The following CPNE4 variants were observed in gnomAD, a reference collection of about 807,000 sequenced individuals.
CPNE4 encodes the protein copine-4.
CPNE4 carries 25 observed loss-of-function variants against 67.9 expected under a neutral mutation model. That is an observed-to-expected ratio of 0.37 (90% CI 0.27 to 0.51). CPNE4 has a LOEUF of 0.51. CPNE4 is among the 20% of genes least tolerant of loss of function. The pLI is 0.93. For missense variants in CPNE4, 464 were observed against 690.8 expected (o/e 0.67, Z 3.68); for synonymous variants, 242 against 244.9 (o/e 0.99, Z 0.11).
At chr3:131,913,211 T>A (rs1236734941) in intron 1 of CPNE4, among the ~76,000 whole-genome samples, 1 of 152,022 alleles carries the variant, frequency 6.6e-6, no homozygotes, top group East Asian at 1.9e-4. Flanking sequence ...TAATAATTAG[T>A]CACAGCCAGT....
chr3:131,856,684 TC>T (rs748534973), intron 2 of CPNE4, among the ~76,000 whole-genome samples: 5 of 152,108 alleles, frequency 3.3e-5, no homozygotes. Context: ...AAAAGGACTT[TC>T]CAAGCATGAT....
chr3:131,764,283 A>T (rs1383752284), intron 2 of CPNE4, among the ~76,000 whole-genome samples: 2 of 151,942 alleles, frequency 1.3e-5, no homozygotes, highest in African/African-American at 4.8e-5. Flanking sequence ...ATAGGAAAAA[A>T]AAAAGAGAAT....
At chr3:131,858,263 C>G (rs1457130001) in intron 2 of CPNE4, among the ~76,000 whole-genome samples, 4 of 152,054 alleles carry the variant, frequency 2.6e-5, no homozygotes, top group Non-Finnish European at 4.4e-5. Context: ...ACTTTCCTGC[C>G]ATTCAACCCT....
rs189517132 is a variant in CPNE4 at position 131,927,946 on chromosome 3, G to A, written c.-1-22502C>T. Among the ~76,000 whole-genome samples the A allele has an allele frequency of 2.0e-3, 302 of 152,248 alleles. 2 individuals are homozygous for A. The highest frequency in any genetic ancestry group is 3.3e-3 in the Non-Finnish European group (223 of 68,010). On this transcript the variant is annotated intron_variant, in intron 1 of 15. Coordinates refer to ENST00000429747, the MANE Select transcript of CPNE4 (RefSeq NM_130808.3). ...GTCATTAACTGTATATATGAAAACC[G>A]CTAAAGAAAATTGGATGTATGCATG... is the stretch of plus-strand genomic sequence containing the variant.
chr3:131,905,377 G>C lies in CPNE4; in HGVS notation c.67C>G (p.Leu23Val). 1.9e-6 allele frequency: 3 copies of C among 1,613,524 alleles called. No homozygotes were observed. Among genetic ancestry groups the C allele is most frequent in the Non-Finnish European group, 2.5e-6 (3 of 1,179,686 alleles). The change falls in exon 2 of 16, where the codon CTG becomes GTG. Residue 23 changes from leucine to valine, a missense_variant. By Grantham distance (32) the Leu-to-Val change is conservative (BLOSUM62 1). Coordinates refer to ENST00000429747, the MANE Select transcript of CPNE4 (RefSeq NM_130808.3). The part of the protein sequence containing the change: ...NTLGIFNSPC[L>V]TKVELRVACK... ...GCCACACGCAGCTCAACTTTGGTCA[G>C]GCAGGGGCTGTTAAAGATTCCCAGT...
At chr3:131,615,896 C>A (rs1444761276) in intron 7 of CPNE4, among the ~76,000 whole-genome samples, 1 of 94,238 alleles carries the variant, frequency 1.1e-5, no homozygotes, top group African/African-American at 7.2e-5. Flanking sequence ...CTCTCTCACA[C>A]ACACACACAC....
chr3:131,633,755 G>A (rs968014948), intron 7 of CPNE4, among the ~76,000 whole-genome samples: 3 of 150,352 alleles, frequency 2.0e-5, no homozygotes, highest in African/African-American at 7.5e-5. Context: ...AATGTTCAAT[G>A]TAACTTTTTT....
At chr3:131,927,889 G>A (rs2070942011) in intron 1 of CPNE4, among the ~76,000 whole-genome samples, 2 of 152,112 alleles carry the variant, frequency 1.3e-5, no homozygotes, top group South Asian at 4.2e-4. Flanking sequence ...AAGAAAAGTA[G>A]TTTTGATATT....
chr3:131,933,661 G>A (rs1259902992), intron 1 of CPNE4, among the ~76,000 whole-genome samples: 2 of 151,786 alleles, frequency 1.3e-5, no homozygotes, highest in Non-Finnish European at 2.9e-5. Flanking sequence ...ATAAATAAAG[G>A]AAATGTAATA....
At chr3:131,911,815 A>G (rs1313372995) in intron 1 of CPNE4, among the ~76,000 whole-genome samples, 1 of 152,154 alleles carries the variant, frequency 6.6e-6, no homozygotes, top group African/African-American at 2.4e-5. Context: ...GAGAGCCCTG[A>G]CAAAATATAC....
At chr3:131,650,850 C>A (rs1399005899) in intron 7 of CPNE4, among the ~76,000 whole-genome samples, 1 of 151,122 alleles carries the variant, frequency 6.6e-6, no homozygotes, top group African/African-American at 2.4e-5. Context: ...GTAAAATGTG[C>A]CTACATTGAA....
chr3:131,730,282 G>A (rs2082098189), intron 2 of CPNE4, among the ~76,000 whole-genome samples: 1 of 151,932 alleles, frequency 6.6e-6, no homozygotes, highest in African/African-American at 2.4e-5. Flanking sequence ...TTCTTTCCTA[G>A]GGAAACATAA....
At chr3:131,884,056 C>G (rs751911143) in intron 2 of CPNE4, among the ~76,000 whole-genome samples, 3 of 152,290 alleles carry the variant, frequency 2.0e-5, no homozygotes, top group Non-Finnish European at 2.9e-5. Context: ...TTTTGTTTCA[C>G]TTACCATTGT....
intron 7 of CPNE4, among the ~76,000 whole-genome samples, chr3:131,600,640 A>C (rs991727769): frequency 6.6e-6 from 1 of 152,108 alleles, no homozygotes; most frequent in Admixed American, 6.5e-5. Context: ...CCCCGCCTCG[A>C]GAGGAAACGT....
At chr3:132,037,022 G>C (rs537332988), upstream of CPNE4, among the ~76,000 whole-genome samples, 1 of 152,304 alleles carries the variant, frequency 6.6e-6, no homozygotes, top group Non-Finnish European at 1.5e-5. Flanking sequence ...AACACAACTA[G>C]TTAATGGGAG....
chr3:131,722,369 G>A (rs2081908716), intron 3 of CPNE4, among the ~76,000 whole-genome samples: 1 of 152,180 alleles, frequency 6.6e-6, no homozygotes. Context: ...GGGATCTGAT[G>A]TTAAAGCTTC....
intron 3 of CPNE4, among the ~76,000 whole-genome samples, chr3:131,703,988 C>A (rs1381035691): frequency 6.6e-6 from 1 of 152,180 alleles, no homozygotes; most frequent in East Asian, 1.9e-4. Flanking sequence ...CAAAGTTTAA[C>A]ATTTCAACTA....
chr3:131,660,788 C>T (rs1166033537), intron 7 of CPNE4, among the ~76,000 whole-genome samples: 4 of 152,182 alleles, frequency 2.6e-5, no homozygotes, highest in African/African-American at 9.7e-5. Context: ...CTGTTTCCTT[C>T]TATTTCTAGG....
intron 2 of CPNE4, among the ~76,000 whole-genome samples, chr3:131,825,403 G>C (rs572646686): frequency 6.6e-6 from 1 of 151,650 alleles, no homozygotes; most frequent in African/African-American, 2.4e-5. Context: ...CTGAGGCAGG[G>C]GAATCACTTG....
Sources: gnomAD v4.1 joint callset for allele counts (sites outside exome capture counted in the v4.1 genomes callset) on GRCh38, gnomAD v4.1.1 for gene constraint, MANE v1.5 for transcripts, NCBI Gene and HGNC (gene_info 2026-07-23, HGNC 2026-07-21) for gene names.